The following ALX1 variants were observed in gnomAD, a reference collection of about 807,000 sequenced individuals.
ALX1 encodes the protein ALX homeobox protein 1.
ALX1 carries 19 observed loss-of-function variants against 31.7 expected under a neutral mutation model. The ratio of observed to expected loss-of-function variants is 0.60; its 90% CI spans 0.42 to 0.88. The LOEUF is 0.88. Ranked by LOEUF, ALX1 falls within the 40% of genes least tolerant of loss-of-function variation. The pLI is 0.00. For synonymous variants in ALX1, 153 were observed against 148.8 expected, an observed-to-expected ratio of 1.03 and a Z score of -0.20; for missense variants, 415 against 407.8, an observed-to-expected ratio of 1.02 and a Z score of -0.15.
intron 1 of ALX1, among the ~76,000 whole-genome samples, chr12:85,282,998 A>G (rs996256572): frequency 1.7e-4 from 26 of 152,236 alleles, no homozygotes; most frequent in African/African-American, 5.3e-4. Flanking sequence ...TTTTTGAAGA[A>G]AAAGTGTAAA....
intron 3 of ALX1, among the ~76,000 whole-genome samples, chr12:85,291,617 T>C (rs1196468710): frequency 1.3e-5 from 2 of 151,162 alleles, no homozygotes; most frequent in African/African-American, 4.8e-5. Context: ...TACATGAGCA[T>C]TGACATTATT....
intron 3 of ALX1, among the ~76,000 whole-genome samples, chr12:85,292,174 G>A (rs1201182416): frequency 6.6e-6 from 1 of 150,898 alleles, no homozygotes; most frequent in Non-Finnish European, 1.5e-5. Context: ...TTATGTTGTA[G>A]CGTTTTAATT....
Position 85,283,750 on chromosome 12 carries a change from C to T in ALX1, c.405C>T (p.His135=). Residue 135 remains histidine, a synonymous_variant, in exon 2 of 4, where the codon CAC becomes CAT. Coordinates refer to ENST00000316824, the MANE Select transcript of ALX1 (RefSeq NM_006982.3). ...SNVSSSKKRR[H]RTTFTSLQLE... The stretch of plus-strand genomic sequence containing the variant: ...TATCCAGCAGTAAGAAACGGAGGCA[C>T]CGAACCACCTTCACCAGTTTGCAGC... 1 of 1,614,052 alleles carries T rather than the reference C, an allele frequency of 6.2e-7. No homozygotes were observed. Among genetic ancestry groups the T allele is most frequent in the Middle Eastern group, 1.7e-4 (1 of 6,060 alleles).
chr12:85,291,844 G>C (rs1248236256), intron 3 of ALX1, among the ~76,000 whole-genome samples: 2 of 150,984 alleles, frequency 1.3e-5, no homozygotes, highest in African/African-American at 2.4e-5. Flanking sequence ...TTTGAAGAGG[G>C]CCAGGGGTTA....
chr12:85,286,628 T>C (rs1896750470), intron 2 of ALX1, among the ~76,000 whole-genome samples: 1 of 151,896 alleles, frequency 6.6e-6, no homozygotes, highest in African/African-American at 2.4e-5. Context: ...TTCCCGAAAG[T>C]CTCCTGCCTC....
intron 3 of ALX1, among the ~76,000 whole-genome samples, chr12:85,290,954 A>G (rs1359237161): frequency 6.6e-6 from 1 of 151,168 alleles, no homozygotes; most frequent in Non-Finnish European, 1.5e-5. Context: ...TCACCTTTGT[A>G]TCACCAAGGA....
intron 3 of ALX1, among the ~76,000 whole-genome samples, chr12:85,300,391 A>G (rs1320234454): frequency 1.3e-5 from 2 of 152,014 alleles, no homozygotes; most frequent in Non-Finnish European, 2.9e-5. Flanking sequence ...ACTGCATTAT[A>G]CTCATCTGAT....
intron 3 of ALX1, among the ~76,000 whole-genome samples, chr12:85,293,595 T>C (rs114848240): frequency 0.033 from 5,009 of 150,820 alleles, 263 homozygotes; most frequent in African/African-American, 0.11. Context: ...CTAATGTGAC[T>C]GTACACAGTA....
chr12:85,294,058 A>T (rs960602873), intron 3 of ALX1, among the ~76,000 whole-genome samples: 2 of 151,250 alleles, frequency 1.3e-5, no homozygotes, highest in Admixed American at 6.6e-5. Flanking sequence ...AGTAAAATCA[A>T]TAGCTTCACT....
chr12:85,297,080 C>A (rs78111454), intron 3 of ALX1, among the ~76,000 whole-genome samples: 1 of 151,606 alleles, frequency 6.6e-6, no homozygotes, highest in African/African-American at 2.4e-5. Flanking sequence ...AAATTACTGC[C>A]TATATGAGAA....
At position 85,301,246 on chromosome 12, in the gene ALX1, C is replaced by T; in HGVS notation, c.752C>T (p.Pro251Leu). 6.2e-7 allele frequency: 1 copy of T among 1,614,018 alleles called. No individual in the cohort carries two copies. The highest frequency in any genetic ancestry group is 1.3e-5 in the African/African-American group (1 of 74,998). The change falls in exon 4 of 4, where the codon CCT becomes CTT. Residue 251 changes from proline (P) to leucine (L), a missense_variant. Pro to Leu is a moderately conservative substitution (Grantham distance 98). Transcript: ENST00000316824. ...CGTGACACTTCCTCCTGTATGACAC[C>T]TTATTCTCACTCGCCTCGGACAGAT... ...LPRDTSSCMT[P>L]YSHSPRTDSS... is the part of the protein sequence containing the mutation.
chr12:85,287,793 A>G (rs985165896), intron 3 of ALX1, among the ~76,000 whole-genome samples: 3 of 151,380 alleles, frequency 2.0e-5, no homozygotes, highest in Non-Finnish European at 4.4e-5. Context: ...ATGAAAAAAA[A>G]CCTACGTTAT....
Position 85,280,541 on chromosome 12 carries a change from T to A in ALX1, c.226+54T>A, listed in dbSNP as rs981716042. 3.2e-6 allele frequency: 5 copies of A among 1,574,360 alleles called. No individual in the cohort carries two copies. In the South Asian group the frequency reaches 3.3e-5, roughly 11 times the overall value. Reference sequence around the variant, plus strand: ...GCCGCAGCCCTTCCGCAATCGAAAATGCAGGATCGGTCTGATCAGGCAGGG... The same window carrying A: ...GCCGCAGCCCTTCCGCAATCGAAAAAGCAGGATCGGTCTGATCAGGCAGGG... On this transcript the variant is annotated intron_variant, in intron 1 of 3. Coordinates refer to ENST00000316824, the MANE Select transcript of ALX1 (RefSeq NM_006982.3).
At chr12:85,283,504 A>G in intron 1 of ALX1, 68 bp from the exon 2 acceptor site, 1 of 1,516,116 alleles carries the variant, frequency 6.6e-7, no homozygotes. Flanking sequence ...AATTACTTCT[A>G]CTTATTGATT....
chr12:85,289,936 G>C (rs1489105979), intron 3 of ALX1, among the ~76,000 whole-genome samples: 1 of 150,950 alleles, frequency 6.6e-6, no homozygotes, highest in Non-Finnish European at 1.5e-5. Flanking sequence ...CAATATCTCA[G>C]TCTAATAAGA....
At chr12:85,300,671 T>A (rs1340630845) in intron 3 of ALX1, among the ~76,000 whole-genome samples, 2 of 152,086 alleles carry the variant, frequency 1.3e-5, no homozygotes, top group African/African-American at 2.4e-5. Flanking sequence ...ATCAAAAATA[T>A]CTTTGCAGAA....
At chr12:85,295,001 A>G (rs1211782061) in intron 3 of ALX1, among the ~76,000 whole-genome samples, 1 of 151,442 alleles carries the variant, frequency 6.6e-6, no homozygotes, top group Non-Finnish European at 1.5e-5. Flanking sequence ...TAAATATTTT[A>G]TATATCACCT....
chr12:85,287,095 T>A, intron 3 of ALX1, 114 bp downstream of exon 3: 2 of 1,287,060 alleles, frequency 1.6e-6, no homozygotes, highest in Non-Finnish European at 1.1e-6. Flanking sequence ...AATGAAAATC[T>A]AAGCTTCAGA....
chr12:85,290,557 A>G (rs1277750117), intron 3 of ALX1, among the ~76,000 whole-genome samples: 2 of 149,210 alleles, frequency 1.3e-5, no homozygotes, highest in Non-Finnish European at 3.0e-5. Flanking sequence ...TAGCAAACAA[A>G]TAAGAAAGTG....
Sources: allele counts gnomAD v4.1 joint callset (sites outside exome capture counted in the v4.1 genomes callset), GRCh38; gene constraint gnomAD v4.1.1; transcripts MANE v1.5; gene names NCBI Gene and HGNC (gene_info 2026-07-23, HGNC 2026-07-21).